Variants in CASZ1 observed in about 807,000 individuals in gnomAD.
The protein encoded by CASZ1 is castor zinc finger 1, also known as zinc finger protein castor homolog 1.
In CASZ1, 28 loss-of-function variants were observed where a neutral mutation model predicts 135.2. The ratio of observed to expected loss-of-function variants is 0.21; its 90% CI spans 0.15 to 0.28. CASZ1 has a LOEUF of 0.28. CASZ1 is among the 10% of genes least tolerant of loss of function. CASZ1 has a pLI of 1.00. For synonymous variants in CASZ1, 1,068 were observed against 1,073.4 expected (o/e 0.99, Z 0.10); for missense variants, 2,161 against 2,453.3 (o/e 0.88, Z 2.52).
chr1:10,653,660 C>A lies in CASZ1; in HGVS notation c.2397G>T (p.Thr799=). ...ALSNSGLPTP[T]PYFPILAGRG... ...GGCCAGCCAGTATGGGGAAGTAGGG[C>A]GTGGGGGTGGGCAGGCCCGAGTTGG... The change falls in exon 11 of 21, where the codon ACG becomes ACT. Residue 799 remains threonine, a synonymous_variant. Coordinates refer to ENST00000377022, the MANE Select transcript of CASZ1 (RefSeq NM_001079843.3). 1 of 1,554,842 alleles carries A rather than the reference C, an allele frequency of 6.4e-7. No homozygotes were observed.
chr1:10,675,982 C>T (rs558974722), intron 4 of CASZ1, among the ~76,000 whole-genome samples: 3 of 152,352 alleles, frequency 2.0e-5, no homozygotes, highest in African/African-American at 7.2e-5. Context: ...CCTCAAGTTC[C>T]ATCCCAGGGG....
chr1:10,652,207 A>C (rs1447472728), intron 11 of CASZ1: 2 of 152,296 alleles, frequency 1.3e-5, no homozygotes, highest in African/African-American at 4.8e-5. Flanking sequence ...AGACTGGGCC[A>C]CAGGGACCCT....
chr1:10,761,797 G>A (rs972046088), intron 1 of CASZ1, among the ~76,000 whole-genome samples: 1 of 152,192 alleles, frequency 6.6e-6, no homozygotes, highest in African/African-American at 2.4e-5. Context: ...TCCCAGCCCT[G>A]GAAGCCCGGC....
chr1:10,668,914 C>T (rs980612567), intron 4 of CASZ1, among the ~76,000 whole-genome samples: 1 of 152,234 alleles, frequency 6.6e-6, no homozygotes, highest in Non-Finnish European at 1.5e-5. Flanking sequence ...AGAAACCTTA[C>T]CTGGCCTGGA....
At position 10,664,841 on chromosome 1, in the gene CASZ1, C is replaced by T. The variant is rs76406085; in HGVS notation, c.505+242G>A. ...CTCCCTCCCTCCCCACCTGTCCACC[C>T]CTCTGCCTGTGGTTTCTTGAAGACC... is the stretch of plus-strand genomic sequence containing the variant. On this transcript the variant is annotated intron_variant, in intron 5 of 20. Transcript: ENST00000377022. Among the ~76,000 whole-genome samples, 1,075 of 151,684 alleles carry T rather than the reference C, an allele frequency of 7.1e-3. 11 individuals are homozygous for T. Among genetic ancestry groups the T allele is most frequent in the African/African-American group, 0.025 (1,029 of 41,230 alleles).
intron 2 of CASZ1, among the ~76,000 whole-genome samples, chr1:10,748,012 G>T (rs1264456092): frequency 6.6e-6 from 1 of 152,110 alleles, no homozygotes; most frequent in Non-Finnish European, 1.5e-5. Flanking sequence ...TGGAGACGGG[G>T]TTTCACCGTG....
Position 10,653,542 on chromosome 1 carries a change from G to T in CASZ1, c.2515C>A (p.Leu839Met), listed in dbSNP as rs1337046260. 1 of 1,595,798 alleles carries T rather than the reference G, an allele frequency of 6.3e-7. No individual in the cohort carries two copies. The highest frequency in any genetic ancestry group is 1.7e-5 in the Admixed American group (1 of 59,048). ...AASATPDTPT[L>M]VASGAGDSAP... ...GAGTCTCCAGCTCCCGAGGCGACCA[G>T]CGTGGGTGTGTCAGGGGTGGCTGAG... Residue 839 changes from leucine (L) to methionine (M), a missense_variant, in exon 11 of 21, where the codon CTG (leucine) becomes ATG (methionine). By Grantham distance (15) the Leu-to-Met change is conservative. Around this residue, in one of 7 missense-constraint regions of CASZ1, gnomAD observed 406 missense variants for 387.6 expected, o/e 1.05. Transcript: ENST00000377022.
At chr1:10,780,922 A>G (rs1004998021) in intron 1 of CASZ1, among the ~76,000 whole-genome samples, 1 of 152,148 alleles carries the variant, frequency 6.6e-6, no homozygotes, top group African/African-American at 2.4e-5. Context: ...CTGACACACA[A>G]TCGGCCCTCA....
At chr1:10,654,319 C>T (rs1642714147) in intron 10 of CASZ1, 100 bp downstream of exon 10, 3 of 1,575,718 alleles carry the variant, frequency 1.9e-6, no homozygotes, top group Non-Finnish European at 2.6e-6. Flanking sequence ...AAAACCCAGG[C>T]TGGACACCGA....
At position 10,679,025 on chromosome 1, in the gene CASZ1, C is replaced by T. The variant is rs1341412104; in HGVS notation, c.17-13454G>A. Among the ~76,000 whole-genome samples, 3 of 152,256 alleles carry T rather than the reference C, an allele frequency of 2.0e-5. No homozygotes were observed. Among genetic ancestry groups the T allele is most frequent in the East Asian group, 3.9e-4 (2 of 5,150 alleles). ...TGTGAGCCAGCCCACCCCTGGCTTC[C>T]GCTCTCTGGCTATCTCTGGCCTATG... On this transcript the variant is annotated intron_variant, in intron 4 of 20. Coordinates refer to ENST00000377022, the MANE Select transcript of CASZ1 (RefSeq NM_001079843.3). This position sits in a 1 kb window ranked among gnomAD's most constrained non-coding sequence, Gnocchi z 4.7.
At position 10,654,591 on chromosome 1, in the gene CASZ1, C is replaced by T. The variant is rs1642725851; in HGVS notation, c.1666G>A (p.Val556Met). 1.2e-6 allele frequency: 2 copies of T among 1,614,024 alleles called. No homozygotes were observed. Among genetic ancestry groups the T allele is most frequent in the Non-Finnish European group, 1.7e-6 (2 of 1,179,884 alleles). ...GKSTHYHCMQVGCNKVYTSTS... is the reference protein window; with the variant it reads ...GKSTHYHCMQMGCNKVYTSTS... ...CTCGTGTACACCTTGTTACAGCCCA[C>T]CTGCACAGGACGGGATGGTGGTCAG... Residue 556 changes from valine to methionine, a missense_variant and splice_region_variant, in exon 10 of 21, where the codon GTG (valine) becomes ATG (methionine). Val to Met is a conservative substitution (Grantham distance 21). Coordinates refer to ENST00000377022, the MANE Select transcript of CASZ1 (RefSeq NM_001079843.3).
chr1:10,769,027 C>A (rs1040767998), intron 1 of CASZ1, among the ~76,000 whole-genome samples: 1 of 152,214 alleles, frequency 6.6e-6, no homozygotes, highest in African/African-American at 2.4e-5. Context: ...GTAATCCCAG[C>A]TACTCAGGAG....
At chr1:10,658,307 G>T in intron 7 of CASZ1, 1 of 587,708 alleles carries the variant, frequency 1.7e-6, no homozygotes, top group East Asian at 2.8e-5. Flanking sequence ...GTGTGGCCTG[G>T]ACTACACAGA....
At chr1:10,733,343 T>C (rs1309840002) in intron 2 of CASZ1, among the ~76,000 whole-genome samples, 1 of 152,154 alleles carries the variant, frequency 6.6e-6, no homozygotes, top group African/African-American at 2.4e-5. Context: ...GAGAGTGGCA[T>C]GTCCGACCAG....
chr1:10,763,770 G>A (rs559281658), intron 1 of CASZ1, among the ~76,000 whole-genome samples: 16 of 152,320 alleles, frequency 1.1e-4, no homozygotes, highest in Admixed American at 2.0e-4. Flanking sequence ...CGAAGGTGTC[G>A]GTGGAACTGA....
intron 4 of CASZ1, 108 bp downstream of exon 4, chr1:10,693,766 G>GC: frequency 1.4e-6 from 1 of 740,212 alleles, no homozygotes; most frequent in South Asian, 1.4e-5. Flanking sequence ...GACCCTCCCG[G>GC]CCCCCACCCG....
rs145512705 is a variant in CASZ1 at position 10,642,689 on chromosome 1, C to T, written c.4162+170G>A. On this transcript the variant is annotated intron_variant, in intron 20 of 20. Coordinates refer to ENST00000377022, the MANE Select transcript of CASZ1 (RefSeq NM_001079843.3). ...CAGTGCCAGGGAGGCGGGAGGATGGCGGGAGGGGCCTCGATGACCCAGTCC... is the reference window on the plus strand; with the variant it reads ...CAGTGCCAGGGAGGCGGGAGGATGGTGGGAGGGGCCTCGATGACCCAGTCC... Among the ~76,000 whole-genome samples the T allele has an allele frequency of 2.2e-3, 338 of 152,218 alleles. 1 individual carries two copies. Among genetic ancestry groups the T allele is most frequent in the African/African-American group, 7.8e-3 (323 of 41,542 alleles).
Position 10,701,272 on chromosome 1 carries a change from C to T in CASZ1, c.-24+4220G>A, listed in dbSNP as rs571102663. ...AGAGGAGGCTGCCCACCGTGGCAGC[C>T]GGGTTCCCGTGCGCACTCTCCCTGT... On this transcript the variant is annotated intron_variant, in intron 3 of 20. Transcript: ENST00000377022. The surrounding 1 kb of genome is among the most constrained non-coding windows in gnomAD (Gnocchi z 6.3). Among the ~76,000 whole-genome samples the T allele has an allele frequency of 2.5e-4, 38 of 152,240 alleles. No homozygotes were observed. Among genetic ancestry groups the T allele is most frequent in the East Asian group, 9.7e-4 (5 of 5,168 alleles).
rs1199438178 is a variant in CASZ1 at position 10,676,334 on chromosome 1, G to A, written c.17-10763C>T. ...CCACGTTGAGGGAGGGCCCCTGCCTGTCCCATGCTCACCCCTGTCCTTCCT... is the reference window on the plus strand; with the variant it reads ...CCACGTTGAGGGAGGGCCCCTGCCTATCCCATGCTCACCCCTGTCCTTCCT... On this transcript the variant is annotated intron_variant, in intron 4 of 20. Coordinates refer to ENST00000377022, the MANE Select transcript of CASZ1 (RefSeq NM_001079843.3). The surrounding 1 kb of genome is among the most constrained non-coding windows in gnomAD (Gnocchi z 4.5). Among the ~76,000 whole-genome samples the A allele has an allele frequency of 6.6e-6, 1 of 152,144 alleles. No individual in the cohort carries two copies. Among genetic ancestry groups the A allele is most frequent in the African/African-American group, 2.4e-5 (1 of 41,434 alleles).
Sources: gnomAD v4.1 joint callset for allele counts (sites outside exome capture counted in the v4.1 genomes callset) on GRCh38, gnomAD v4.1.1 for gene constraint, gnomAD v4.1.1 regional missense constraint, Gnocchi (gnomAD v3.1) non-coding constraint, MANE v1.5 for transcripts, NCBI Gene and HGNC (gene_info 2026-07-23, HGNC 2026-07-21) for gene names.